The following ZNF664 variants were observed in gnomAD, a reference collection of about 807,000 sequenced individuals.
ZNF664 encodes the protein zinc finger Organ of Corti 1.
Under a neutral mutation model 18.2 loss-of-function variants are expected in ZNF664, and 10 were observed. That is an observed-to-expected ratio of 0.55 (90% CI 0.34 to 0.93). The LOEUF is 0.93. Among genes scored for constraint, ZNF664 ranks in the 40% least tolerant of loss-of-function variants. The pLI is 0.02. For missense variants in ZNF664, 193 were observed against 319.0 expected (o/e 0.61, Z 3.01); for synonymous variants, 119 against 104.2 (o/e 1.14, Z -0.86).
At chr12:123,984,406 G>T (rs547229189) in intron 2 of ZNF664, among the ~76,000 whole-genome samples, 4 of 152,308 alleles carry the variant, frequency 2.6e-5, no homozygotes, top group Non-Finnish European at 4.4e-5. Context: ...GCATGAGTGG[G>T]AAGTGAAGCA....
intron 3 of ZNF664, among the ~76,000 whole-genome samples, chr12:123,999,475 A>C (rs1211159202): frequency 1.3e-5 from 2 of 152,244 alleles, no homozygotes; most frequent in Non-Finnish European, 2.9e-5. Context: ...GATCTGTGAT[A>C]CTTACAGGTT....
chr12:123,992,114 A>G (rs1956895822), intron 3 of ZNF664, among the ~76,000 whole-genome samples: 1 of 152,222 alleles, frequency 6.6e-6, no homozygotes, highest in Non-Finnish European at 1.5e-5. Context: ...TGTGAGAGAA[A>G]TCAGGGAACA....
chr12:124,011,914 G>A lies in ZNF664; in HGVS notation c.-231G>A. On this transcript the variant is annotated 5_prime_UTR_variant, in exon 5 of 5. It removes an upstream start codon present in the reference 5' UTR. Coordinates refer to ENST00000337815, the MANE Select transcript of ZNF664 (RefSeq NM_152437.3). ...TTACAGAATTCACGTGGAAGTCAAT[G>A]TCACTTTATAATCGATAATAATACT... 1.5e-6 allele frequency: 2 copies of A among 1,326,810 alleles called. No homozygotes were observed. Among genetic ancestry groups the A allele is most frequent in the Non-Finnish European group, 1.9e-6 (2 of 1,045,294 alleles). 82.2% of individuals were successfully genotyped at this position (1,326,810 alleles called of 1,614,324 possible).
chr12:123,974,144 C>G, intron 2 of ZNF664, 124 bp downstream of exon 2: 5 of 624,150 alleles, frequency 8.0e-6, no homozygotes, highest in Non-Finnish European at 1.2e-5. Flanking sequence ...TCCGTATACC[C>G]CCTCCCAGAC....
chr12:124,006,790 G>A (rs1450746708), intron 3 of ZNF664, among the ~76,000 whole-genome samples: 1 of 152,218 alleles, frequency 6.6e-6, no homozygotes, highest in Non-Finnish European at 1.5e-5. Flanking sequence ...GCTTGCAGGT[G>A]CAGGCTCTGA....
intron 2 of ZNF664, among the ~76,000 whole-genome samples, chr12:123,978,679 G>A (rs1020950275): frequency 3.3e-5 from 5 of 152,132 alleles, no homozygotes; most frequent in African/African-American, 1.2e-4. Context: ...TTTTATAGGA[G>A]TAAATGTCCT....
In ZNF664 at chr12:123,978,594, A is replaced by G. The variant is rs193133039; in HGVS notation, c.-757+4574A>G. 1.4e-4 allele frequency among the ~76,000 whole-genome samples: 21 copies of G among 152,338 alleles called. No individual in the cohort carries two copies. In the East Asian group the frequency reaches 3.7e-3, roughly 27 times the overall value. On this transcript the variant is annotated intron_variant, in intron 2 of 4. Transcript: ENST00000337815. ...GATTGCAGTACCTCCAAATTAAACT[A>G]TGATTTCAATGTAATTACAATTGAA...
intron 3 of ZNF664, among the ~76,000 whole-genome samples, chr12:124,010,096 G>A (rs1307344163): frequency 6.6e-6 from 1 of 152,120 alleles, no homozygotes; most frequent in Admixed American, 6.5e-5. Context: ...TTTTACCAAT[G>A]TGTCTTTAGG....
At chr12:124,001,220 C>G (rs550774773) in intron 3 of ZNF664, among the ~76,000 whole-genome samples, 3 of 152,274 alleles carry the variant, frequency 2.0e-5, no homozygotes, top group African/African-American at 7.2e-5. Flanking sequence ...AGATTATGAT[C>G]ATTGTTTCCA....
At chr12:123,983,049 A>G (rs145370109) in intron 2 of ZNF664, among the ~76,000 whole-genome samples, 1 of 152,244 alleles carries the variant, frequency 6.6e-6, no homozygotes, top group Non-Finnish European at 1.5e-5. Flanking sequence ...CAGCTACTTA[A>G]GAGGCTGAGG....
chr12:124,000,493 C>A (rs945850466), intron 3 of ZNF664, among the ~76,000 whole-genome samples: 5 of 152,176 alleles, frequency 3.3e-5, no homozygotes, highest in African/African-American at 1.2e-4. Flanking sequence ...GAATTCCTCT[C>A]ATTTTTATTT....
chr12:123,993,523 A>G (rs1210425728), intron 3 of ZNF664, among the ~76,000 whole-genome samples: 2 of 152,182 alleles, frequency 1.3e-5, no homozygotes, highest in African/African-American at 2.4e-5. Context: ...ACCAAGTTAT[A>G]TGTATTTTAG....
intron 2 of ZNF664, among the ~76,000 whole-genome samples, chr12:123,983,190 T>C (rs1458665707): frequency 1.3e-5 from 2 of 152,162 alleles, no homozygotes; most frequent in African/African-American, 4.8e-5. Context: ...CTACAGCTAA[T>C]CCATGTGGGA....
intron 2 of ZNF664, among the ~76,000 whole-genome samples, chr12:123,982,451 CT>C (rs771243065): frequency 6.6e-6 from 1 of 152,164 alleles, no homozygotes; most frequent in African/African-American, 2.4e-5. Context: ...TGCCCTCCCC[CT>C]AATCTCTTCT....
Position 124,011,413 on chromosome 12 carries a change from A to G in ZNF664, c.-628A>G, listed in dbSNP as rs1309429655. 9.9e-7 allele frequency: 1 copy of G among 1,012,772 alleles called. No homozygotes were observed. Among genetic ancestry groups the G allele is most frequent in the Non-Finnish European group, 1.2e-6 (1 of 851,176 alleles). The allele number at this position is 1,012,772 out of a possible 1,614,324, so 62.7% of individuals were successfully genotyped here. On this transcript the variant is annotated 5_prime_UTR_variant, in exon 4 of 5. Coordinates refer to ENST00000337815, the MANE Select transcript of ZNF664 (RefSeq NM_152437.3). ...AATCCAAGAGACACATCTTTGGAAG[A>G]TAAGAGAGCTTCTTCAAGACCAAAA... is the stretch of plus-strand genomic sequence containing the variant.
intron 3 of ZNF664, among the ~76,000 whole-genome samples, chr12:124,007,405 C>A (rs887260483): frequency 1.3e-5 from 2 of 152,212 alleles, no homozygotes; most frequent in African/African-American, 4.8e-5. Flanking sequence ...CTGGAAGACA[C>A]CCCTGCTGGG....
chr12:124,005,178 GAAAA>G (rs1957056880), intron 3 of ZNF664, among the ~76,000 whole-genome samples: 2 of 151,930 alleles, frequency 1.3e-5, no homozygotes, highest in African/African-American at 4.8e-5. Flanking sequence ...CAAAAGTAGA[GAAAA>G]AAACAAAATG....
At position 123,973,256 on chromosome 12, in the gene ZNF664, G is replaced by A. The variant is rs1956613887; in HGVS notation, c.-988G>A. ...GCGTCTGGGTGTGCGGAGCGCGCGC[G>A]CGCGCGGCTCGGAGGCGCACCTGTG... On this transcript the variant is annotated 5_prime_UTR_variant, in exon 1 of 5. Coordinates refer to ENST00000337815, the MANE Select transcript of ZNF664 (RefSeq NM_152437.3). 7.0e-6 allele frequency: 7 copies of A among 998,122 alleles called. 1 individual carries two copies. Among genetic ancestry groups the A allele is most frequent in the Non-Finnish European group, 8.3e-6 (7 of 840,962 alleles). The allele number at this position is 998,122 out of a possible 1,614,324, so 61.8% of individuals were successfully genotyped here. A position where few individuals can be genotyped will look rare whatever the true frequency, so the allele number is the denominator to read the frequency against.
chr12:123,974,250 C>T, intron 2 of ZNF664: 1 of 389,870 alleles, frequency 2.6e-6, no homozygotes, highest in Admixed American at 4.5e-5. Context: ...ACTCTAACAA[C>T]TAAATCTCCC....
Sources: gnomAD v4.1 joint callset for allele counts (sites outside exome capture counted in the v4.1 genomes callset) on GRCh38, gnomAD v4.1.1 for gene constraint, MANE v1.5 for transcripts, NCBI Gene and HGNC (gene_info 2026-07-23, HGNC 2026-07-21) for gene names.